The following PMPCB variants were observed in gnomAD, a reference collection of about 807,000 sequenced individuals.
PMPCB encodes peptidase, mitochondrial processing subunit beta.
PMPCB carries 46 observed loss-of-function variants against 61.5 expected under a neutral mutation model. The ratio of observed to expected loss-of-function variants is 0.75; its 90% CI spans 0.59 to 0.96. The LOEUF (loss-of-function observed/expected upper bound fraction) is 0.96. Among genes scored for constraint, PMPCB ranks in the 40% least tolerant of loss-of-function variants. PMPCB has a pLI of 0.00. For missense variants in PMPCB, 590 were observed against 602.4 expected (o/e 0.98, Z 0.22); for synonymous variants, 191 against 201.6 (o/e 0.95, Z 0.44).
chr7:103,339,861 A>C, the PMPCB span, among the ~76,000 whole-genome samples: 1 of 145,882 alleles, frequency 6.9e-6, no homozygotes, highest in African/African-American at 2.6e-5. Flanking sequence ...TTTTTGAGAT[A>C]GAGTTTTGCT....
At chr7:103,322,906 C>A in intron 12 of PMPCB, 1 of 853,060 alleles carries the variant, frequency 1.2e-6, no homozygotes, top group Non-Finnish European at 1.8e-6. Context: ...GGTTAAAATG[C>A]TGTGTCATTA....
chr7:103,305,185 TTCAA>T (rs1173208349), intron 6 of PMPCB, among the ~76,000 whole-genome samples: 1 of 152,216 alleles, frequency 6.6e-6, no homozygotes. Context: ...CTTTGATTTG[TTCAA>T]TCATTCATTT....
At position 103,312,829 on chromosome 7, in the gene PMPCB, A is replaced by G; in HGVS notation, c.*558A>G. Reference sequence around the variant, plus strand: ...TCTTCCTCATAATATTGACCCCATAACTACTGGTTTTGAAATAAGCACTAT... The same window carrying G: ...TCTTCCTCATAATATTGACCCCATAGCTACTGGTTTTGAAATAAGCACTAT... On this transcript the variant is annotated 3_prime_UTR_variant, in exon 13 of 13. Transcript: ENST00000249269. The G allele has an allele frequency of 2.0e-6, 3 of 1,522,534 alleles. No individual in the cohort carries two copies. The highest frequency in any genetic ancestry group is 2.6e-6 in the Non-Finnish European group (3 of 1,142,160). 94.3% of individuals were successfully genotyped at this position (1,522,534 alleles called of 1,614,324 possible). A position where few individuals can be genotyped will look rare whatever the true frequency, so the allele number is the denominator to read the frequency against.
chr7:103,346,265 T>C, the PMPCB span, among the ~76,000 whole-genome samples: 1 of 152,106 alleles, frequency 6.6e-6, no homozygotes, highest in East Asian at 1.9e-4. Context: ...CCCGAGTAGC[T>C]GGGATTACAG....
At position 103,310,397 on chromosome 7, in the gene PMPCB, A is replaced by G. The variant is rs767385025; in HGVS notation, c.1076A>G (p.Asp359Gly). 6.2e-7 allele frequency: 1 copy of G among 1,613,502 alleles called. No individual in the cohort carries two copies. Among genetic ancestry groups the G allele is most frequent in the South Asian group, 1.1e-5 (1 of 91,048 alleles). Residue 359 changes from aspartate (D) to glycine (G), a missense_variant, in exon 9 of 13, where the codon GAT (aspartate) becomes GGT (glycine). By Grantham distance (94) the Asp-to-Gly change is moderately conservative (BLOSUM62 -1). Transcript: ENST00000249269. ...CAGTCTTTCAACACTTCCTACACAG[A>G]TACAGGATTATGGGGACTGTATATG... is the stretch of plus-strand genomic sequence containing the variant. ...SFQSFNTSYT[D>G]TGLWGLYMVC...
chr7:103,328,982 C>T, exon 13 of PMPCB: 3 of 1,277,540 alleles, frequency 2.3e-6, no homozygotes, highest in Non-Finnish European at 3.1e-6. Flanking sequence ...AAGTTATTTT[C>T]CAAAAGGCAA....
chr7:103,311,157 G>A (rs1170578048), intron 9 of PMPCB: 1 of 154,078 alleles, frequency 6.5e-6, no homozygotes, highest in Admixed American at 6.5e-5. Flanking sequence ...TCGATAGATG[G>A]GCAGAAAGGC....
the PMPCB span, among the ~76,000 whole-genome samples, chr7:103,342,694 C>T: frequency 4.6e-5 from 7 of 151,664 alleles, no homozygotes; most frequent in East Asian, 3.9e-4. Flanking sequence ...CTGAAAGCTC[C>T]GCCTCCCGGG....
At chr7:103,310,244 C>A (rs1817697585) in intron 8 of PMPCB, 71 bp from the exon 9 acceptor site, 1 of 1,139,998 alleles carries the variant, frequency 8.8e-7, no homozygotes, top group Non-Finnish European at 1.3e-6. Context: ...ATTTTCCACA[C>A]ACTCCATTTT....
At chr7:103,327,636 A>C in intron 12 of PMPCB, 1 of 1,469,388 alleles carries the variant, frequency 6.8e-7, no homozygotes, top group Non-Finnish European at 9.4e-7. Flanking sequence ...GAAATTCCTG[A>C]CTCTAAAGCA....
chr7:103,341,967 G>T, the PMPCB span: 1 of 1,541,058 alleles, frequency 6.5e-7, no homozygotes, highest in Non-Finnish European at 8.7e-7. Flanking sequence ...GTGATTGAAA[G>T]TGTTAAGAGA....
At chr7:103,323,599 A>G in intron 12 of PMPCB, 1 of 1,473,490 alleles carries the variant, frequency 6.8e-7, no homozygotes, top group Non-Finnish European at 9.2e-7. Context: ...CATACATACC[A>G]TTCTGCTTTT....
At chr7:103,318,090 G>T (rs78075491), downstream of PMPCB, among the ~76,000 whole-genome samples, 203 of 152,240 alleles carry the variant, frequency 1.3e-3, 7 homozygotes, top group East Asian at 0.037. Flanking sequence ...AGTCAACAAG[G>T]TATTAAAAAC....
Position 103,312,083 on chromosome 7 carries a change from G to A in PMPCB, c.1357G>A (p.Val453Ile), listed in dbSNP as rs540342273. ...DAVNAETIRE[V>I]CTKYIYNRSP... Reference sequence around the variant, plus strand: ...TGTGAATGCTGAGACAATTCGAGAAGTATGTACCAAATACATTTATAATAG... The same window carrying A: ...TGTGAATGCTGAGACAATTCGAGAAATATGTACCAAATACATTTATAATAG... The change falls in exon 12 of 13, where the codon GTA (valine) becomes ATA (isoleucine). Residue 453 changes from valine to isoleucine, a missense_variant. Physicochemically the swap from Val to Ile is conservative, Grantham distance 29. Transcript: ENST00000249269. The A allele has an allele frequency of 6.2e-7, 1 of 1,614,012 alleles. No individual in the cohort carries two copies. The highest frequency in any genetic ancestry group is 1.1e-5 in the South Asian group (1 of 91,080).
chr7:103,328,212 G>C (rs1818809001), intron 12 of PMPCB, among the ~76,000 whole-genome samples: 1 of 152,066 alleles, frequency 6.6e-6, no homozygotes, highest in South Asian at 2.1e-4. Context: ...GTGAGCCACT[G>C]AGCCCGGCTT....
downstream of PMPCB, among the ~76,000 whole-genome samples, chr7:103,318,750 TCTAA>T (rs747871204): frequency 2.0e-5 from 3 of 152,248 alleles, no homozygotes; most frequent in African/African-American, 7.2e-5. Context: ...CTCTTTTGGT[TCTAA>T]CTGTTATTAC....
chr7:103,337,950 G>C, the PMPCB span: 1 of 637,466 alleles, frequency 1.6e-6, no homozygotes, highest in East Asian at 2.8e-5. Context: ...ATAAACCAGG[G>C]TCTATGGTCA....
At chr7:103,319,592 A>G, downstream of PMPCB, 1 of 1,612,474 alleles carries the variant, frequency 6.2e-7, no homozygotes, top group Non-Finnish European at 8.5e-7. Flanking sequence ...GGTAGGAGTG[A>G]TGTGTTCCTC....
the PMPCB span, chr7:103,341,861 A>C: frequency 6.2e-7 from 1 of 1,613,272 alleles, no homozygotes; most frequent in Non-Finnish European, 8.5e-7. Context: ...CTTATCCTCC[A>C]GTTCCTGAAA....
Sources: gnomAD v4.1 joint callset for allele counts (sites outside exome capture counted in the v4.1 genomes callset) on GRCh38, gnomAD v4.1.1 for gene constraint, MANE v1.5 for transcripts, NCBI Gene and HGNC (gene_info 2026-07-23, HGNC 2026-07-21) for gene names.